AGTPBP1: variants seen among roughly 807,000 people sequenced by gnomAD.
AGTPBP1 encodes the protein ATP/GTP binding carboxypeptidase 1.
Under a neutral mutation model 143.9 loss-of-function variants are expected in AGTPBP1, and 70 were observed. That is an observed-to-expected ratio of 0.49 (90% CI 0.40 to 0.59). The LOEUF is 0.59. Ranked by LOEUF, AGTPBP1 falls within the 20% of genes least tolerant of loss-of-function variation. The pLI is 0.00. For missense variants in AGTPBP1, 1,229 were observed against 1,464.5 expected (o/e 0.84, Z 2.62); for synonymous variants, 463 against 500.2 (o/e 0.93, Z 0.99).
chr9:85,742,092 G>T (rs1824362912), upstream of AGTPBP1: 3 of 1,076,878 alleles, frequency 2.8e-6, no homozygotes, highest in East Asian at 4.4e-5. Context: ...CCCTCTTCCC[G>T]CCGCGTCCCT....
intron 14 of AGTPBP1, among the ~76,000 whole-genome samples, chr9:85,629,871 G>A (rs997103828): frequency 5.9e-5 from 9 of 151,776 alleles, no homozygotes; most frequent in Admixed American, 2.0e-4. Context: ...GTCCATGAGA[G>A]GAAATAAGAG....
the AGTPBP1 span, among the ~76,000 whole-genome samples, chr9:85,789,252 T>C: frequency 6.6e-6 from 1 of 152,128 alleles, no homozygotes; most frequent in African/African-American, 2.4e-5. Flanking sequence ...AATCAACCTC[T>C]GGTCATTCTA....
intron 17 of AGTPBP1, among the ~76,000 whole-genome samples, chr9:85,614,498 C>T (rs11521798): frequency 0.22 from 32,957 of 151,840 alleles, 4,527 homozygotes; most frequent in East Asian, 0.52. Flanking sequence ...CAAAACATCA[C>T]GTGCCTTAGT....
At chr9:85,649,349 C>T (rs748359258) in intron 11 of AGTPBP1, among the ~76,000 whole-genome samples, 6 of 152,084 alleles carry the variant, frequency 3.9e-5, no homozygotes, top group Admixed American at 6.5e-5. Context: ...ATCTACTTTC[C>T]CTTTATGTTT....
chr9:85,681,917 T>C, intron 3 of AGTPBP1, among the ~76,000 whole-genome samples: 1 of 151,782 alleles, frequency 6.6e-6, no homozygotes, highest in East Asian at 1.9e-4. Flanking sequence ...GCCCAGCTAA[T>C]TTTTGTATTT....
At chr9:85,745,486 T>G (rs1043337640), upstream of AGTPBP1, among the ~76,000 whole-genome samples, 1 of 152,248 alleles carries the variant, frequency 6.6e-6, no homozygotes, top group Non-Finnish European at 1.5e-5. Context: ...ACCTAACCAC[T>G]GCCTTGTGTC....
At chr9:85,773,482 C>T in the AGTPBP1 span, among the ~76,000 whole-genome samples, 1 of 150,816 alleles carries the variant, frequency 6.6e-6, no homozygotes, top group Non-Finnish European at 1.5e-5. Context: ...TACAGGTGTG[C>T]ACCACCACAC....
intron 11 of AGTPBP1, among the ~76,000 whole-genome samples, 198 bp from the exon 12 acceptor site, chr9:85,646,616 T>G (rs1205655393): frequency 2.6e-5 from 4 of 152,240 alleles, no homozygotes; most frequent in Non-Finnish European, 5.9e-5. Flanking sequence ...CTTCAAAATT[T>G]GGAAAGCACT....
At chr9:85,599,998 T>G (rs1829561140) in intron 17 of AGTPBP1, among the ~76,000 whole-genome samples, 1 of 152,220 alleles carries the variant, frequency 6.6e-6, no homozygotes. Flanking sequence ...CCATTTTCTC[T>G]TCTGTAAAGT....
At chr9:85,751,168 G>A in the AGTPBP1 span, among the ~76,000 whole-genome samples, 5 of 152,148 alleles carry the variant, frequency 3.3e-5, no homozygotes, top group Non-Finnish European at 5.9e-5. Context: ...CTCAGACAGA[G>A]GACAATTGGG....
intron 8 of AGTPBP1, among the ~76,000 whole-genome samples, chr9:85,668,999 G>A (rs944632430): frequency 2.4e-5 from 2 of 82,772 alleles, no homozygotes; most frequent in African/African-American, 5.0e-5. Flanking sequence ...GTGTGTGTGT[G>A]TGTGTGTGTA....
At chr9:85,760,863 A>G in the AGTPBP1 span, among the ~76,000 whole-genome samples, 10 of 152,198 alleles carry the variant, frequency 6.6e-5, no homozygotes, top group Admixed American at 1.3e-4. Flanking sequence ...GTATATCTAG[A>G]AAACCCCATC....
At chr9:85,798,529 G>A in the AGTPBP1 span, among the ~76,000 whole-genome samples, 1 of 151,554 alleles carries the variant, frequency 6.6e-6, no homozygotes, top group African/African-American at 2.4e-5. Context: ...ACCACGCGCA[G>A]CTACTTTTTT....
chr9:85,613,817 T>C (rs1830456297), intron 17 of AGTPBP1, among the ~76,000 whole-genome samples: 1 of 152,076 alleles, frequency 6.6e-6, no homozygotes, highest in Non-Finnish European at 1.5e-5. Flanking sequence ...AGAAACTGAC[T>C]TGTCTAACTT....
At chr9:85,660,211 A>G (rs1230104641) in intron 9 of AGTPBP1, among the ~76,000 whole-genome samples, 1 of 152,094 alleles carries the variant, frequency 6.6e-6, no homozygotes, top group Non-Finnish European at 1.5e-5. Context: ...GGGTGGGGAC[A>G]TATAAAAGCC....
chr9:85,627,421 G>C (rs1422965190), intron 14 of AGTPBP1, among the ~76,000 whole-genome samples: 1 of 152,092 alleles, frequency 6.6e-6, no homozygotes. Flanking sequence ...TGTTCTTCCA[G>C]TCTCACATTA....
At chr9:85,675,688 T>A (rs1267396006) in intron 6 of AGTPBP1, among the ~76,000 whole-genome samples, 1 of 152,166 alleles carries the variant, frequency 6.6e-6, no homozygotes, top group African/African-American at 2.4e-5. Context: ...GAATTCCTCA[T>A]AAATTTTGGA....
chr9:85,725,316 A>T (rs1202039131), intron 1 of AGTPBP1, among the ~76,000 whole-genome samples: 2 of 152,192 alleles, frequency 1.3e-5, no homozygotes, highest in Non-Finnish European at 2.9e-5. Flanking sequence ...TTAAAAAAAA[A>T]ATTTTTTTAA....
intron 21 of AGTPBP1, among the ~76,000 whole-genome samples, chr9:85,587,432 C>A (rs1008121357): frequency 6.6e-6 from 1 of 151,970 alleles, no homozygotes; most frequent in Non-Finnish European, 1.5e-5. Context: ...CATCAAATAC[C>A]TTTTTGTTTA....
Sources: allele counts gnomAD v4.1 joint callset (sites outside exome capture counted in the v4.1 genomes callset), GRCh38; gene constraint gnomAD v4.1.1; transcripts MANE v1.5; gene names NCBI Gene and HGNC (gene_info 2026-07-23, HGNC 2026-07-21).